GMEB1: variants seen among roughly 807,000 people sequenced by gnomAD.
GMEB1 encodes glucocorticoid modulatory element-binding protein 1.
In GMEB1, 6 loss-of-function variants were observed where a neutral mutation model predicts 52.4. That is an observed-to-expected ratio of 0.11 (90% CI 0.06 to 0.23). The LOEUF (loss-of-function observed/expected upper bound fraction) is 0.23, where lower values mean the gene tolerates loss of function less well. Among genes scored for constraint, GMEB1 ranks in the 10% least tolerant of loss-of-function variants. The pLI, the probability that GMEB1 is intolerant of heterozygous loss-of-function variation, is 1.00. For missense variants in GMEB1, 486 were observed against 685.6 expected (o/e 0.71, Z 3.25); for synonymous variants, 255 against 244.9 (o/e 1.04, Z -0.38).
intron 1 of GMEB1, among the ~76,000 whole-genome samples, chr1:28,676,490 G>A (rs1256099354): frequency 6.6e-6 from 1 of 152,182 alleles, no homozygotes; most frequent in Non-Finnish European, 1.5e-5. Flanking sequence ...CACTTTGGGA[G>A]GCCAAGGTGG....
At chr1:28,691,542 G>A (rs757094352) in intron 3 of GMEB1, 43 bp from the exon 4 acceptor site, 1 of 1,418,334 alleles carries the variant, frequency 7.1e-7, no homozygotes, top group East Asian at 2.6e-5. Context: ...CAGCTTTGGG[G>A]AAGAGTTGTT....
rs770199182 is a variant in GMEB1 at position 28,691,606 on chromosome 1, A to G, written c.233A>G (p.Asn78Ser). 5 of 1,563,820 alleles carry G rather than the reference A, an allele frequency of 3.2e-6. No homozygotes were observed. The South Asian group carries it at 3.5e-5, about 11-fold the overall frequency. Residue 78 changes from asparagine to serine, a missense_variant, in exon 4 of 10, where the codon AAT becomes AGT. Physicochemically the swap from Asn to Ser is conservative, Grantham distance 46. Transcript: ENST00000373816. ...TCAGATACAGGCACTATAGAAGCAA[A>G]TGAGGATATGGAAATTGCTTACCCC... ...EGIDTGTIEA[N>S]EDMEIAYPIT...
intron 8 of GMEB1, among the ~76,000 whole-genome samples, chr1:28,710,116 C>T (rs1261672380): frequency 6.6e-6 from 1 of 151,970 alleles, no homozygotes; most frequent in African/African-American, 2.4e-5. Flanking sequence ...TACTGCACTC[C>T]AGCCTGGGGG....
chr1:28,676,978 C>A (rs533604414), intron 1 of GMEB1, among the ~76,000 whole-genome samples: 1 of 152,122 alleles, frequency 6.6e-6, no homozygotes, highest in African/African-American at 2.4e-5. Flanking sequence ...CACTTGAACC[C>A]AGGAGGCAGA....
intron 8 of GMEB1, among the ~76,000 whole-genome samples, chr1:28,709,597 TG>T (rs1670951499): frequency 6.6e-6 from 1 of 151,956 alleles, no homozygotes; most frequent in African/African-American, 2.4e-5. Context: ...TTTTTTGAGA[TG>T]GAGTCTGGCC....
Position 28,690,183 on chromosome 1 carries a change from A to G in GMEB1, c.208A>G (p.Ile70Val). 2.3e-6 allele frequency: 2 copies of G among 885,630 alleles called. No individual in the cohort carries two copies. The highest frequency in any genetic ancestry group is 1.5e-5 in the South Asian group (1 of 68,392). 54.9% of individuals were successfully genotyped at this position (885,630 alleles called of 1,614,324 possible). ...THTIHKIEEG[I>V]DTGTIEANED... ...CACGATACACAAAATTGAAGAAGGG[A>G]TTGGTAAGGGTTTTTTTGTGTTTTT... is the stretch of plus-strand genomic sequence containing the variant. Residue 70 changes from isoleucine (I) to valine (V), a missense_variant, in exon 3 of 10, where the codon ATT (isoleucine) becomes GTT (valine). By Grantham distance (29) the Ile-to-Val change is conservative. This residue lies in a region of GMEB1 where 88 missense variants were observed against 96.5 expected (regional missense o/e 0.91). Coordinates refer to ENST00000373816, the MANE Select transcript of GMEB1 (RefSeq NM_001319674.2).
At position 28,716,255 on chromosome 1, in the gene GMEB1, C is replaced by G. The variant is rs1273829032; in HGVS notation, c.*1482C>G. 1 of 152,212 alleles carries G rather than the reference C, an allele frequency of 6.6e-6. No individual in the cohort carries two copies. The highest frequency in any genetic ancestry group is 2.4e-5 in the African/African-American group (1 of 41,452). The allele number at this position is 152,212 out of a possible 1,614,324, so 9.4% of individuals were successfully genotyped here. ...ACTGTGCAATGTGATGTAAATGGCT[C>G]TGGTTCTTAGACTGTGGCTGTCACA... is the stretch of plus-strand genomic sequence containing the variant. On this transcript the variant is annotated 3_prime_UTR_variant, in exon 10 of 10. Transcript: ENST00000373816.
At position 28,693,057 on chromosome 1, in the gene GMEB1, T is replaced by G. The variant is rs1670036065; in HGVS notation, c.440+12T>G. ...GGGATCATGCTCAGGTAAGCTCTAA[T>G]GTCAAGCACATACCTTTCAACAAAC... On this transcript the variant is annotated intron_variant, in intron 5 of 9. Coordinates refer to ENST00000373816, the MANE Select transcript of GMEB1 (RefSeq NM_001319674.2). The G allele has an allele frequency of 1.4e-6, 2 of 1,439,142 alleles. No individual in the cohort carries two copies. Among genetic ancestry groups the G allele is most frequent in the African/African-American group, 1.4e-5 (1 of 70,654 alleles). The allele number at this position is 1,439,142 out of a possible 1,614,324, so 89.1% of individuals were successfully genotyped here.
chr1:28,694,883 C>T (rs1261373695), intron 5 of GMEB1, among the ~76,000 whole-genome samples: 1 of 149,996 alleles, frequency 6.7e-6, no homozygotes, highest in Non-Finnish European at 1.5e-5. Context: ...AGGCTGGTCT[C>T]GAACTCCTGA....
At chr1:28,677,883 C>G (rs746006704) in intron 1 of GMEB1, among the ~76,000 whole-genome samples, 2 of 151,494 alleles carry the variant, frequency 1.3e-5, no homozygotes, top group Non-Finnish European at 2.9e-5. Flanking sequence ...GTTTAATAGG[C>G]AAGAAAGAAG....
intron 1 of GMEB1, among the ~76,000 whole-genome samples, chr1:28,681,180 C>G (rs1379853672): frequency 6.6e-6 from 1 of 152,040 alleles, no homozygotes; most frequent in Non-Finnish European, 1.5e-5. Flanking sequence ...CAAACTCAAA[C>G]CTAGTGAAGG....
intron 1 of GMEB1, among the ~76,000 whole-genome samples, chr1:28,677,439 C>G (rs139926103): frequency 1.4e-3 from 220 of 152,242 alleles, no homozygotes; most frequent in African/African-American, 4.9e-3. Flanking sequence ...CTTTGCGATC[C>G]GCCTGCCTTG....
chr1:28,687,364 AC>A lies in GMEB1; in HGVS notation c.129-2739del, dbSNP rs1557504075. On this transcript the variant is annotated intron_variant, in intron 2 of 9. Transcript: ENST00000373816. Reference sequence around the variant, plus strand: ...CACACACACACACACACACACACACACACACACACACACACACACACACAAA... The same window carrying A: ...CACACACACACACACACACACACACAACACACACACACACACACACACAAA... Among the ~76,000 whole-genome samples, 53 of 56,882 alleles carry A rather than the reference AC, an allele frequency of 9.3e-4. 1 individual carries two copies. The highest frequency in any genetic ancestry group is 2.8e-3 in the African/African-American group (40 of 14,272). 37.3% of individuals were successfully genotyped at this position (56,882 alleles called of 152,430 possible).
At chr1:28,700,666 C>T (rs1670460904) in intron 6 of GMEB1, among the ~76,000 whole-genome samples, 1 of 142,788 alleles carries the variant, frequency 7.0e-6, no homozygotes, top group Non-Finnish European at 1.5e-5. Context: ...GCCTGGGCAA[C>T]AAAGTGAGAC....
rs116372740 is a variant in GMEB1 at position 28,675,880 on chromosome 1, G to C, written c.-31+7041G>C. On this transcript the variant is annotated intron_variant, in intron 1 of 9. Transcript: ENST00000373816. ...CAGCTTAGAGATGACCTTGCATTTA[G>C]AGTTGGTTTCAGGTTACCTGCAAGG... 9.6e-3 allele frequency among the ~76,000 whole-genome samples: 1,468 copies of C among 152,222 alleles called. 6 individuals are homozygous for C. The highest frequency in any genetic ancestry group is 0.017 in the Non-Finnish European group (1,162 of 68,006).
intron 1 of GMEB1, among the ~76,000 whole-genome samples, chr1:28,675,836 C>A (rs1669130676): frequency 6.6e-6 from 1 of 152,170 alleles, no homozygotes; most frequent in Non-Finnish European, 1.5e-5. Flanking sequence ...TAAACAAGAG[C>A]TACTTTTCCA....
chr1:28,699,643 T>C (rs1670398270), intron 6 of GMEB1, among the ~76,000 whole-genome samples: 1 of 151,944 alleles, frequency 6.6e-6, no homozygotes, highest in South Asian at 2.1e-4. Flanking sequence ...TTGGCTAGGC[T>C]GGTCTCAAAC....
At chr1:28,708,993 G>A (rs1355273409) in intron 8 of GMEB1, among the ~76,000 whole-genome samples, 1 of 152,010 alleles carries the variant, frequency 6.6e-6, no homozygotes, top group Non-Finnish European at 1.5e-5. Context: ...AATTAGCCTG[G>A]CATTGTGGCG....
chr1:28,683,440 G>T (rs76732336), intron 1 of GMEB1, 143 bp from the exon 2 acceptor site: 1 of 595,028 alleles, frequency 1.7e-6, no homozygotes, highest in Non-Finnish European at 2.9e-6. Context: ...GGTCAGGCTG[G>T]TCTTGAACTC....
Sources: allele counts gnomAD v4.1 joint callset (sites outside exome capture counted in the v4.1 genomes callset), GRCh38; gene constraint gnomAD v4.1.1; regional missense constraint gnomAD v4.1.1; transcripts MANE v1.5; gene names NCBI Gene and HGNC (gene_info 2026-07-23, HGNC 2026-07-21).